MDFIC: variants seen among roughly 807,000 people sequenced by gnomAD.
MDFIC encodes MyoD family inhibitor domain containing, also known as myoD family inhibitor domain-containing protein.
MDFIC carries 17 observed loss-of-function variants against 23.2 expected under a neutral mutation model. The ratio of observed to expected loss-of-function variants is 0.73; its 90% CI spans 0.50 to 1.10. MDFIC has a LOEUF of 1.10. MDFIC is among the 50% of genes least tolerant of loss of function. MDFIC has a pLI of 0.00. For synonymous variants in MDFIC, 120 were observed against 115.2 expected (o/e 1.04, Z -0.27); for missense variants, 356 against 316.6 (o/e 1.12, Z -0.95).
At chr7:114,939,728 G>C (rs1447255942) in intron 2 of MDFIC, among the ~76,000 whole-genome samples, 1 of 152,172 alleles carries the variant, frequency 6.6e-6, no homozygotes, top group Non-Finnish European at 1.5e-5. Flanking sequence ...AGTGTGTCTA[G>C]AGGCTTTATT....
intron 2 of MDFIC, among the ~76,000 whole-genome samples, chr7:114,938,337 C>G (rs992475467): frequency 2.0e-5 from 3 of 152,168 alleles, no homozygotes; most frequent in African/African-American, 4.8e-5. Flanking sequence ...AGATACAAAT[C>G]TATTTTCTAG....
At position 115,015,723 on chromosome 7, in the gene MDFIC, T is replaced by G; in HGVS notation, c.529T>G (p.Cys177Gly). The change falls in exon 5 of 5, where the codon TGC (cysteine) becomes GGC (glycine). Residue 177 changes from cysteine to glycine, a missense_variant. Physicochemically the swap from Cys to Gly is radical, Grantham distance 159 (BLOSUM62 -3). Coordinates refer to ENST00000393486, the MANE Select transcript of MDFIC (RefSeq NM_001166345.3). Reference sequence around the variant, plus strand: ...CCACTGTATCCTGGCTTGCTTGTTCTGCGAATTCCTGACCCTTTGCAACAT... The same window carrying G: ...CCACTGTATCCTGGCTTGCTTGTTCGGCGAATTCCTGACCCTTTGCAACAT... ...CVHCILACLF[C>G]EFLTLCNIVL... 1.2e-6 allele frequency: 2 copies of G among 1,614,240 alleles called. No homozygotes were observed. The highest frequency in any genetic ancestry group is 1.7e-6 in the Non-Finnish European group (2 of 1,180,030).
chr7:114,957,971 A>T (rs1332638650), intron 3 of MDFIC, among the ~76,000 whole-genome samples: 1 of 152,196 alleles, frequency 6.6e-6, no homozygotes, highest in Non-Finnish European at 1.5e-5. Flanking sequence ...TGGTCATTTA[A>T]TTATTAAAAG....
chr7:114,996,223 C>T (rs1315305761), intron 4 of MDFIC, among the ~76,000 whole-genome samples: 1 of 152,156 alleles, frequency 6.6e-6, no homozygotes, highest in Admixed American at 6.5e-5. Context: ...TGCCATGACA[C>T]CATTGCTGTG....
intron 3 of MDFIC, among the ~76,000 whole-genome samples, chr7:114,970,894 C>A (rs774437209): frequency 6.6e-6 from 1 of 152,178 alleles, no homozygotes; most frequent in African/African-American, 2.4e-5. Flanking sequence ...GGGGGCTGAA[C>A]TTCAGTTCTT....
intron 4 of MDFIC, among the ~76,000 whole-genome samples, chr7:115,013,600 G>A (rs1352085756): frequency 1.3e-5 from 2 of 152,174 alleles, no homozygotes; most frequent in African/African-American, 2.4e-5. Context: ...TAGATAATAT[G>A]GATATTCACT....
At chr7:114,980,558 G>T (rs991633547) in intron 4 of MDFIC, among the ~76,000 whole-genome samples, 2 of 152,006 alleles carry the variant, frequency 1.3e-5, no homozygotes, top group African/African-American at 4.8e-5. Context: ...ATGATTCATT[G>T]TATTATATTT....
intron 4 of MDFIC, among the ~76,000 whole-genome samples, chr7:115,000,830 A>T (rs1791451707): frequency 6.6e-6 from 1 of 152,232 alleles, no homozygotes; most frequent in African/African-American, 2.4e-5. Flanking sequence ...GCCACAATTT[A>T]GATAGTCTTA....
At chr7:115,003,980 T>C (rs976227218) in intron 4 of MDFIC, among the ~76,000 whole-genome samples, 4 of 152,204 alleles carry the variant, frequency 2.6e-5, no homozygotes, top group African/African-American at 9.6e-5. Context: ...TGAGTAAATA[T>C]TTATAAACTA....
intron 2 of MDFIC, among the ~76,000 whole-genome samples, chr7:114,939,377 T>C (rs17583919): frequency 0.05 from 7,567 of 152,228 alleles, 295 homozygotes; most frequent in Non-Finnish European, 0.073. Flanking sequence ...CAAAGTTGAA[T>C]AGACTGAGGA....
intron 3 of MDFIC, among the ~76,000 whole-genome samples, chr7:114,943,445 G>A (rs1246371800): frequency 1.3e-5 from 2 of 152,056 alleles, no homozygotes; most frequent in African/African-American, 4.8e-5. Flanking sequence ...AAATTTCCAG[G>A]TTTCAAACAA....
intron 2 of MDFIC, among the ~76,000 whole-genome samples, chr7:114,927,851 G>A (rs1792226141): frequency 6.6e-6 from 1 of 152,140 alleles, no homozygotes; most frequent in African/African-American, 2.4e-5. Flanking sequence ...AATTTTGTGT[G>A]CTTTTAATGG....
chr7:114,967,055 T>C (rs1314066522), intron 3 of MDFIC, among the ~76,000 whole-genome samples: 2 of 152,232 alleles, frequency 1.3e-5, no homozygotes, highest in African/African-American at 2.4e-5. Context: ...CTGGGTGTTA[T>C]ATATTATTCC....
intron 3 of MDFIC, among the ~76,000 whole-genome samples, chr7:114,957,679 CTG>C (rs1585102489): frequency 6.6e-6 from 1 of 152,096 alleles, no homozygotes; most frequent in African/African-American, 2.4e-5. Context: ...TATTTCAAAA[CTG>C]TGCAATATCA....
At chr7:114,971,714 T>A (rs1793208953) in intron 3 of MDFIC, among the ~76,000 whole-genome samples, 1 of 152,162 alleles carries the variant, frequency 6.6e-6, no homozygotes. Context: ...AAAGCTATAC[T>A]TGGATAAAAT....
intron 3 of MDFIC, among the ~76,000 whole-genome samples, chr7:114,954,689 C>T (rs781037765): frequency 7.9e-5 from 12 of 152,200 alleles, no homozygotes; most frequent in Non-Finnish European, 1.3e-4. Flanking sequence ...TATTTAAGCA[C>T]AGCTCCTGGT....
intron 4 of MDFIC, among the ~76,000 whole-genome samples, chr7:115,006,035 G>A (rs1405236666): frequency 6.6e-6 from 1 of 152,168 alleles, no homozygotes; most frequent in Non-Finnish European, 1.5e-5. Context: ...TTCTTTGGTT[G>A]GGGCCTGTCT....
At chr7:115,001,286 C>G (rs976519783) in intron 4 of MDFIC, among the ~76,000 whole-genome samples, 5 of 152,130 alleles carry the variant, frequency 3.3e-5, no homozygotes, top group African/African-American at 2.4e-5. Context: ...GATTAATATA[C>G]TAGTTTTCCA....
At position 114,922,346 on chromosome 7, in the gene MDFIC, G is replaced by C. The variant is rs1792096491; in HGVS notation, c.-398G>C. ...TTGTAGGAGTGGAAGAGGGGAAAGA[G>C]AGGCAGAGAGGGGGAAGGCCCCCTC... On this transcript the variant is annotated 5_prime_UTR_variant, in exon 1 of 5. Transcript: ENST00000393486. 1 of 1,146,266 alleles carries C rather than the reference G, an allele frequency of 8.7e-7. No individual in the cohort carries two copies. The highest frequency in any genetic ancestry group is 1.1e-6 in the Non-Finnish European group (1 of 909,440). 71.0% of individuals were successfully genotyped at this position (1,146,266 alleles called of 1,614,324 possible). A position where few individuals can be genotyped will look rare whatever the true frequency, so the allele number is the denominator to read the frequency against.
Sources: gnomAD v4.1 joint callset for allele counts (sites outside exome capture counted in the v4.1 genomes callset) on GRCh38, gnomAD v4.1.1 for gene constraint, MANE v1.5 for transcripts, NCBI Gene and HGNC (gene_info 2026-07-23, HGNC 2026-07-21) for gene names.